The following CADM1 variants were observed in gnomAD, a reference collection of about 807,000 sequenced individuals.
The protein encoded by CADM1 is cell adhesion molecule 1.
Under a neutral mutation model 53.1 loss-of-function variants are expected in CADM1, and 15 were observed. The observed-to-expected ratio is 0.28, with a 90% confidence interval of 0.19 to 0.44. The LOEUF (loss-of-function observed/expected upper bound fraction) is 0.44, where lower values mean the gene tolerates loss of function less well. Ranked by LOEUF, CADM1 falls within the 20% of genes least tolerant of loss-of-function variation. The probability of loss-of-function intolerance (pLI) is 1.00; values close to 1 mark genes in which losing one functional copy is unlikely to be tolerated. For synonymous variants in CADM1, 281 were observed against 243.0 expected (o/e 1.16, Z -1.45); for missense variants, 434 against 611.3 (o/e 0.71, Z 3.06).
chr11:115,261,195 CAT>C (rs1165193641), intron 1 of CADM1, among the ~76,000 whole-genome samples: 1 of 152,106 alleles, frequency 6.6e-6, no homozygotes, highest in Non-Finnish European at 1.5e-5. Flanking sequence ...TATTTAAAAA[CAT>C]ATTGAGAAAT....
chr11:115,319,400 T>C (rs1944762535), intron 1 of CADM1, among the ~76,000 whole-genome samples: 1 of 152,150 alleles, frequency 6.6e-6, no homozygotes, highest in South Asian at 2.1e-4. Flanking sequence ...AAAAGAAGGC[T>C]GAATTCAAGA....
chr11:115,400,664 T>C (rs1046773802), intron 1 of CADM1, among the ~76,000 whole-genome samples: 15 of 8,622 alleles, frequency 1.7e-3, no homozygotes, highest in Non-Finnish European at 1.6e-3. Flanking sequence ...TGTGTGTGTA[T>C]ATATATATAT....
intron 10 of CADM1, among the ~76,000 whole-genome samples, chr11:115,188,529 G>A (rs958714678): frequency 6.6e-6 from 1 of 152,054 alleles, no homozygotes. Flanking sequence ...CGGGGCAAAG[G>A]GGACAAAAGG....
intron 1 of CADM1, among the ~76,000 whole-genome samples, chr11:115,270,010 G>A (rs901674743): frequency 2.0e-5 from 3 of 152,296 alleles, no homozygotes; most frequent in South Asian, 2.1e-4. Flanking sequence ...TTTAGGCGAC[G>A]AAGAGGATTT....
chr11:115,478,364 A>G (rs1949183045), intron 1 of CADM1, among the ~76,000 whole-genome samples: 1 of 152,200 alleles, frequency 6.6e-6, no homozygotes, highest in Non-Finnish European at 1.5e-5. Context: ...GAAAATGTGA[A>G]GAAAAAAAGG....
intron 1 of CADM1, among the ~76,000 whole-genome samples, chr11:115,445,604 G>T (rs1016495007): frequency 6.6e-6 from 1 of 152,158 alleles, no homozygotes; most frequent in African/African-American, 2.4e-5. Context: ...AGCACTTTGG[G>T]AGATTGAGGC....
chr11:115,329,610 A>G (rs1475872321), intron 1 of CADM1, among the ~76,000 whole-genome samples: 1 of 152,070 alleles, frequency 6.6e-6, no homozygotes, highest in Non-Finnish European at 1.5e-5. Flanking sequence ...CGTGACTCCC[A>G]AAGCCCCAGT....
At chr11:115,333,303 T>G (rs1591717384) in intron 1 of CADM1, among the ~76,000 whole-genome samples, 1 of 152,252 alleles carries the variant, frequency 6.6e-6, no homozygotes, top group East Asian at 1.9e-4. Context: ...GCCTACAGGA[T>G]GAAGCACAAA....
chr11:115,481,250 G>A (rs1456965568), intron 1 of CADM1, among the ~76,000 whole-genome samples: 1 of 152,110 alleles, frequency 6.6e-6, no homozygotes, highest in Non-Finnish European at 1.5e-5. Context: ...CACTAAAATT[G>A]TAAGGTAGAG....
chr11:115,335,947 G>C (rs1945255841), intron 1 of CADM1, among the ~76,000 whole-genome samples: 1 of 152,054 alleles, frequency 6.6e-6, no homozygotes, highest in South Asian at 2.1e-4. Context: ...AAAATGACAG[G>C]CTCACTGCTT....
intron 1 of CADM1, among the ~76,000 whole-genome samples, chr11:115,380,892 T>C (rs1460981115): frequency 6.6e-6 from 1 of 152,222 alleles, no homozygotes; most frequent in African/African-American, 2.4e-5. Context: ...CTAACTTAAA[T>C]AAGAAGCTTA....
intron 1 of CADM1, among the ~76,000 whole-genome samples, chr11:115,434,869 T>A (rs1018792082): frequency 6.8e-6 from 1 of 147,172 alleles, no homozygotes; most frequent in African/African-American, 2.5e-5. Context: ...TATTATTTTT[T>A]TTTTTTTTTG....
chr11:115,203,264 T>C (rs941426525), intron 8 of CADM1, among the ~76,000 whole-genome samples: 4 of 152,156 alleles, frequency 2.6e-5, no homozygotes, highest in Non-Finnish European at 2.9e-5. Flanking sequence ...TGCAAAATAA[T>C]AGGAATCTGT....
At chr11:115,304,253 A>G (rs1160013026) in intron 1 of CADM1, among the ~76,000 whole-genome samples, 3 of 152,058 alleles carry the variant, frequency 2.0e-5, no homozygotes. Flanking sequence ...TGACAGTTAA[A>G]TTTTATAATC....
intron 1 of CADM1, among the ~76,000 whole-genome samples, chr11:115,310,685 G>A (rs905526140): frequency 6.6e-5 from 10 of 152,240 alleles, no homozygotes; most frequent in South Asian, 2.1e-4. Flanking sequence ...CTCCTAAGCC[G>A]CAGCTGTGTT....
chr11:115,224,665 C>T (rs550830180), intron 5 of CADM1, among the ~76,000 whole-genome samples: 8 of 152,310 alleles, frequency 5.3e-5, no homozygotes, highest in African/African-American at 1.9e-4. Flanking sequence ...GCTTTCCTCC[C>T]TTGTGCAAAG....
intron 1 of CADM1, among the ~76,000 whole-genome samples, chr11:115,420,607 G>T (rs1170456743): frequency 6.6e-6 from 1 of 152,124 alleles, no homozygotes; most frequent in African/African-American, 2.4e-5. Context: ...TACCCAGATG[G>T]ACAGGTCTCC....
chr11:115,425,811 C>A (rs892927949), intron 1 of CADM1, among the ~76,000 whole-genome samples: 1 of 152,202 alleles, frequency 6.6e-6, no homozygotes, highest in African/African-American at 2.4e-5. Context: ...ACTATGCCCT[C>A]TTAACAGTAG....
intron 9 of CADM1, among the ~76,000 whole-genome samples, chr11:115,193,609 A>C (rs1940000194): frequency 6.6e-6 from 1 of 152,172 alleles, no homozygotes; most frequent in African/African-American, 2.4e-5. Flanking sequence ...GGTAAGAAAA[A>C]CCTCAAAAAA....
Sources: allele counts gnomAD v4.1 joint callset (sites outside exome capture counted in the v4.1 genomes callset), GRCh38; gene constraint gnomAD v4.1.1; transcripts MANE v1.5; gene names NCBI Gene and HGNC (gene_info 2026-07-23, HGNC 2026-07-21).